ANKRD44: variants seen among roughly 807,000 people sequenced by gnomAD.
ANKRD44 encodes the protein serine/threonine-protein phosphatase 6 regulatory ankyrin repeat subunit B.
In ANKRD44, 35 loss-of-function variants were observed where a neutral mutation model predicts 116.0. The observed-to-expected ratio is 0.30, with a 90% CI of 0.23 to 0.40. The LOEUF is 0.40. Among genes scored for constraint, ANKRD44 ranks in the 10% least tolerant of loss-of-function variants. ANKRD44 has a pLI of 1.00. For missense variants in ANKRD44, 1,014 were observed against 1,242.6 expected (o/e 0.82, Z 2.77); for synonymous variants, 435 against 461.8 (o/e 0.94, Z 0.74).
At chr2:197,071,901 T>C (rs2077566375) in intron 16 of ANKRD44, among the ~76,000 whole-genome samples, 1 of 152,186 alleles carries the variant, frequency 6.6e-6, no homozygotes, top group Admixed American at 6.5e-5. Context: ...TAGGACACTC[T>C]CCTTGAGTGG....
At chr2:197,029,389 GC>G in intron 16 of ANKRD44, 1 of 276,484 alleles carries the variant, frequency 3.6e-6, no homozygotes, top group Non-Finnish European at 7.0e-6. Flanking sequence ...CTTGCCTGCT[GC>G]TTGAAGGGCT....
At chr2:197,126,739 T>C (rs1353760186) in intron 4 of ANKRD44, among the ~76,000 whole-genome samples, 1 of 151,340 alleles carries the variant, frequency 6.6e-6, no homozygotes, top group African/African-American at 2.4e-5. Flanking sequence ...CAAAACCCCA[T>C]CTCTAACGAA....
At chr2:197,028,543 C>T (rs1353100279) in intron 16 of ANKRD44, among the ~76,000 whole-genome samples, 1 of 152,212 alleles carries the variant, frequency 6.6e-6, no homozygotes, top group African/African-American at 2.4e-5. Flanking sequence ...GACAACTAAA[C>T]ACCACATTTC....
At chr2:197,011,629 T>C (rs1421187623) in intron 18 of ANKRD44, among the ~76,000 whole-genome samples, 1 of 152,010 alleles carries the variant, frequency 6.6e-6, no homozygotes, top group Non-Finnish European at 1.5e-5. Context: ...CACACTACCA[T>C]GCCCAGCTAA....
At chr2:197,055,346 A>G (rs1480084493) in intron 16 of ANKRD44, among the ~76,000 whole-genome samples, 2 of 152,090 alleles carry the variant, frequency 1.3e-5, no homozygotes, top group South Asian at 2.1e-4. Flanking sequence ...AGTTCTTCAT[A>G]TATTCTGGAT....
At chr2:197,163,594 A>G (rs2080023124) in intron 2 of ANKRD44, among the ~76,000 whole-genome samples, 2 of 152,196 alleles carry the variant, frequency 1.3e-5, no homozygotes, top group Admixed American at 1.3e-4. Flanking sequence ...ACAGTCATGG[A>G]AAGTGGAAGA....
intron 16 of ANKRD44, among the ~76,000 whole-genome samples, chr2:197,076,780 T>C (rs2077676923): frequency 6.6e-6 from 1 of 151,592 alleles, no homozygotes; most frequent in Non-Finnish European, 1.5e-5. Context: ...CCTGTGTTTG[T>C]TTGCTAAAGA....
intron 10 of ANKRD44, among the ~76,000 whole-genome samples, chr2:197,094,483 A>G (rs564866048): frequency 2.2e-4 from 34 of 152,344 alleles, no homozygotes; most frequent in African/African-American, 8.2e-4. Context: ...TCAGCAGTAC[A>G]TGAGTTTTGA....
At chr2:197,036,983 T>A (rs2076819462) in intron 16 of ANKRD44, among the ~76,000 whole-genome samples, 1 of 152,222 alleles carries the variant, frequency 6.6e-6, no homozygotes, top group Admixed American at 6.5e-5. Context: ...TTAAAAATGT[T>A]TATCAAGAGT....
intron 16 of ANKRD44, among the ~76,000 whole-genome samples, chr2:197,032,860 G>C (rs2076733489): frequency 6.6e-6 from 1 of 152,208 alleles, no homozygotes; most frequent in Non-Finnish European, 1.5e-5. Flanking sequence ...GGTGGGGAAA[G>C]AGGAGAGTCA....
intron 2 of ANKRD44, among the ~76,000 whole-genome samples, chr2:197,148,302 C>T (rs1357016230): frequency 6.6e-6 from 1 of 152,172 alleles, no homozygotes; most frequent in African/African-American, 2.4e-5. Context: ...ATAGTAGCAG[C>T]ATACTTGGTG....
At chr2:197,248,197 A>G (rs962458181) in intron 1 of ANKRD44, among the ~76,000 whole-genome samples, 5 of 152,210 alleles carry the variant, frequency 3.3e-5, no homozygotes, top group Non-Finnish European at 7.3e-5. Context: ...GGTTCTGGAT[A>G]AGATTAAATT....
intron 9 of ANKRD44, among the ~76,000 whole-genome samples, chr2:197,102,149 C>T (rs1475666440): frequency 6.6e-6 from 1 of 152,036 alleles, no homozygotes; most frequent in Non-Finnish European, 1.5e-5. Context: ...TGGAGATCTT[C>T]CTGATTTTTG....
intron 1 of ANKRD44, among the ~76,000 whole-genome samples, chr2:197,253,936 C>T (rs553560614): frequency 1.3e-5 from 2 of 152,312 alleles, no homozygotes; most frequent in South Asian, 2.1e-4. Flanking sequence ...ACTCATAATC[C>T]GCACAGGGTT....
Position 197,060,616 on chromosome 2 carries a change from C to T in ANKRD44, c.1650+18087G>A, listed in dbSNP as rs147933648. 1.7e-3 allele frequency among the ~76,000 whole-genome samples: 255 copies of T among 152,266 alleles called. 1 individual carries two copies. Among genetic ancestry groups the T allele is most frequent in the African/African-American group, 5.0e-3 (209 of 41,566 alleles). ...TATTAACTATAGTCCTCATGCTGTA[C>T]GTTAGATCTTCAGAACTTATTCATT... is the stretch of plus-strand genomic sequence containing the variant. On this transcript the variant is annotated intron_variant, in intron 16 of 27. Coordinates refer to ENST00000282272, the MANE Select transcript of ANKRD44 (RefSeq NM_001195144.2).
Position 197,172,757 on chromosome 2 carries a change from G to C in ANKRD44, c.111+14266C>G, listed in dbSNP as rs936885060. Among the ~76,000 whole-genome samples the C allele has an allele frequency of 3.3e-5, 5 of 151,984 alleles. No individual in the cohort carries two copies. In the East Asian group the frequency reaches 5.8e-4, roughly 18 times the overall value. On this transcript the variant is annotated intron_variant, in intron 2 of 27. Transcript: ENST00000282272. ...TTTTTTGTATTTTTAGTAGAGACAG[G>C]GTTTCACCATGTTGCTTAGGCTGGT... is the stretch of plus-strand genomic sequence containing the variant.
chr2:196,998,795 C>A, intron 24 of ANKRD44, 112 bp downstream of exon 24: 1 of 1,436,916 alleles, frequency 7.0e-7, no homozygotes, highest in Non-Finnish European at 9.3e-7. Flanking sequence ...AGTAAAACTG[C>A]TAATGGCCCT....
chr2:197,286,380 C>CTT (rs66811937), intron 1 of ANKRD44, among the ~76,000 whole-genome samples: 30,532 of 146,328 alleles, frequency 0.21, 3,382 homozygotes, highest in Middle Eastern at 0.3. Flanking sequence ...TTTTTTTTTT[C>CTT]TTTTTTTTTT....
intron 10 of ANKRD44, among the ~76,000 whole-genome samples, chr2:197,096,635 G>C (rs1285117214): frequency 6.6e-6 from 1 of 152,098 alleles, no homozygotes; most frequent in Non-Finnish European, 1.5e-5. Flanking sequence ...GTCATATAGA[G>C]TTAATTTAAA....
Sources: gnomAD v4.1 joint callset for allele counts (sites outside exome capture counted in the v4.1 genomes callset) on GRCh38, gnomAD v4.1.1 for gene constraint, MANE v1.5 for transcripts, NCBI Gene and HGNC (gene_info 2026-07-23, HGNC 2026-07-21) for gene names.